Variants in SMIM42 observed in about 807,000 individuals in gnomAD.
The protein encoded by SMIM42 is small integral membrane protein 42.
chr1:158,128,278 C>A (rs996038434), exon 1 of SMIM42, among the ~76,000 whole-genome samples: 1 of 152,204 alleles, frequency 6.6e-6, no homozygotes, highest in South Asian at 2.1e-4. Context: ...GGCCAAACAA[C>A]TGCTTCCAAT....
exon 1 of SMIM42, among the ~76,000 whole-genome samples, chr1:158,127,899 T>C (rs556703456): frequency 1.6e-4 from 24 of 152,280 alleles, no homozygotes; most frequent in African/African-American, 5.8e-4. Context: ...TGGGTGTGTC[T>C]CTCTGTTCTT....
exon 1 of SMIM42, among the ~76,000 whole-genome samples, chr1:158,127,970 G>A (rs1399378893): frequency 6.6e-6 from 1 of 152,142 alleles, no homozygotes; most frequent in African/African-American, 2.4e-5. Flanking sequence ...GAGTCATCAG[G>A]GGTGTAAAGA....
At chr1:158,127,867 G>T (rs898762962) in exon 1 of SMIM42, among the ~76,000 whole-genome samples, 1 of 152,052 alleles carries the variant, frequency 6.6e-6, no homozygotes, top group Non-Finnish European at 1.5e-5. Flanking sequence ...GATCTTTATG[G>T]CAGCCATGTT....
exon 1 of SMIM42, among the ~76,000 whole-genome samples, chr1:158,127,770 G>A (rs1662851246): frequency 6.6e-6 from 1 of 152,184 alleles, no homozygotes; most frequent in Admixed American, 6.5e-5. Flanking sequence ...GGCTCCCCTG[G>A]CTCTGGGCTC....
exon 1 of SMIM42, among the ~76,000 whole-genome samples, chr1:158,128,018 G>A (rs1467453236): frequency 6.6e-6 from 1 of 152,154 alleles, no homozygotes; most frequent in Non-Finnish European, 1.5e-5. Flanking sequence ...GATTAGATAT[G>A]GCAGTGGTGA....
chr1:158,128,143 G>A (rs1443014556), exon 1 of SMIM42, among the ~76,000 whole-genome samples: 1 of 152,116 alleles, frequency 6.6e-6, no homozygotes, highest in African/African-American at 2.4e-5. Context: ...AGAGAATTGG[G>A]CTTGCTCTTG....
chr1:158,127,637 G>C (rs867870487), exon 1 of SMIM42, among the ~76,000 whole-genome samples: 3 of 147,246 alleles, frequency 2.0e-5, no homozygotes, highest in Middle Eastern at 3.5e-3. Context: ...TTCAAACTCA[G>C]AAGCTGGGAC....
Sources: gnomAD v4.1 joint callset for allele counts (sites outside exome capture counted in the v4.1 genomes callset) on GRCh38, gnomAD v4.1.1 for gene constraint, MANE v1.5 for transcripts, NCBI Gene and HGNC (gene_info 2026-07-23, HGNC 2026-07-21) for gene names.